CCDC7: variants seen among roughly 807,000 people sequenced by gnomAD.
CCDC7 encodes coiled-coil domain-containing protein 7.
A neutral mutation model predicts 196.9 loss-of-function variants in CCDC7; 183 were observed. The ratio of observed to expected loss-of-function variants is 0.93; its 90% CI spans 0.82 to 1.05. CCDC7 has a LOEUF of 1.05. Among genes scored for constraint, CCDC7 ranks in the 50% least tolerant of loss-of-function variants. CCDC7 has a pLI of 0.00. For synonymous variants in CCDC7, 525 were observed against 484.6 expected (o/e 1.08, Z -1.10); for missense variants, 1,540 against 1,482.2 (o/e 1.04, Z -0.64).
chr10:32,673,272 G>T (rs2074361491), intron 21 of CCDC7, among the ~76,000 whole-genome samples: 1 of 151,658 alleles, frequency 6.6e-6, no homozygotes, highest in African/African-American at 2.4e-5. Context: ...TTGACTATTT[G>T]GGTTTTTTGG....
At chr10:32,706,802 A>G (rs2079847839) in intron 24 of CCDC7, among the ~76,000 whole-genome samples, 1 of 152,244 alleles carries the variant, frequency 6.6e-6, no homozygotes, top group African/African-American at 2.4e-5. Context: ...GTCCAATAAC[A>G]GGCTCTGAAA....
intron 20 of CCDC7, among the ~76,000 whole-genome samples, chr10:32,654,551 A>G (rs1046139425): frequency 6.6e-6 from 1 of 152,196 alleles, no homozygotes; most frequent in African/African-American, 2.4e-5. Context: ...GTTTGTAACT[A>G]CTGAAGTCTG....
At chr10:32,630,077 G>T (rs898486174) in intron 18 of CCDC7, among the ~76,000 whole-genome samples, 3 of 152,134 alleles carry the variant, frequency 2.0e-5, no homozygotes, top group Non-Finnish European at 4.4e-5. Flanking sequence ...GGAGCTGCTG[G>T]AAAAGTATGT....
intron 33 of CCDC7, among the ~76,000 whole-genome samples, chr10:32,843,332 C>T (rs1410927713): frequency 6.6e-6 from 1 of 151,678 alleles, no homozygotes; most frequent in East Asian, 1.9e-4. Context: ...AATAGTAGTG[C>T]AAAAATGTTG....
At chr10:32,731,118 T>A (rs1413362717) in intron 28 of CCDC7, among the ~76,000 whole-genome samples, 1 of 152,140 alleles carries the variant, frequency 6.6e-6, no homozygotes, top group Non-Finnish European at 1.5e-5. Context: ...CTGTCTATGT[T>A]ATTAGATGTA....
intron 28 of CCDC7, among the ~76,000 whole-genome samples, chr10:32,733,375 T>C (rs2084312696): frequency 6.6e-6 from 1 of 152,220 alleles, no homozygotes; most frequent in East Asian, 1.9e-4. Context: ...TAAAAGCATC[T>C]TTTTTGTAGC....
At chr10:32,582,106 C>CTATATATATATATATATATATATATA (rs6143863) in intron 16 of CCDC7, among the ~76,000 whole-genome samples, 2 of 103,750 alleles carry the variant, frequency 1.9e-5, no homozygotes, top group African/African-American at 3.2e-5. Flanking sequence ...ACTGTCAGCA[C>CTATATATATATATATATATATATATA]TATATATATA....
intron 9 of CCDC7, among the ~76,000 whole-genome samples, chr10:32,497,344 T>G (rs1367140154): frequency 6.6e-6 from 1 of 152,200 alleles, no homozygotes; most frequent in East Asian, 1.9e-4. Flanking sequence ...AAAAACCAGC[T>G]CCTGGATTCA....
chr10:32,855,881 A>G (rs1339042176), intron 41 of CCDC7, among the ~76,000 whole-genome samples: 1 of 152,226 alleles, frequency 6.6e-6, no homozygotes, highest in Non-Finnish European at 1.5e-5. Flanking sequence ...AAAGACAAAC[A>G]CATAGTCTGA....
intron 28 of CCDC7, among the ~76,000 whole-genome samples, chr10:32,734,116 C>T (rs1334489784): frequency 6.6e-6 from 1 of 152,172 alleles, no homozygotes; most frequent in Non-Finnish European, 1.5e-5. Context: ...CTACCATAAA[C>T]ATACATGCAT....
chr10:32,835,123 C>A (rs1336863367), intron 33 of CCDC7, among the ~76,000 whole-genome samples: 1 of 152,034 alleles, frequency 6.6e-6, no homozygotes, highest in Non-Finnish European at 1.5e-5. Context: ...CATAAAAATG[C>A]AAGGCTGTTG....
chr10:32,823,135 G>T (rs2090531390), intron 31 of CCDC7, among the ~76,000 whole-genome samples: 1 of 150,946 alleles, frequency 6.6e-6, no homozygotes, highest in African/African-American at 2.4e-5. Flanking sequence ...AACTCGTTTT[G>T]TCCAATATGA....
In CCDC7 at chr10:32,676,357, A is replaced by T. The variant is rs556582842; in HGVS notation, c.2123-9613A>T. Among the ~76,000 whole-genome samples the T allele has an allele frequency of 4.6e-5, 7 of 152,206 alleles. No homozygotes were observed. In the East Asian group the frequency reaches 1.2e-3, roughly 25 times the overall value. On this transcript the variant is annotated intron_variant, in intron 21 of 41. Transcript: ENST00000639629. ...ACCAAAAGCAATGGCAACAAAGCCAAAATTGACAAATGGGATCTAATTAAA... is the reference window on the plus strand; with the variant it reads ...ACCAAAAGCAATGGCAACAAAGCCATAATTGACAAATGGGATCTAATTAAA...
At chr10:32,654,433 G>A (rs1206268714) in intron 20 of CCDC7, among the ~76,000 whole-genome samples, 4 of 152,216 alleles carry the variant, frequency 2.6e-5, no homozygotes, top group African/African-American at 7.2e-5. Context: ...GTGAAATTCT[G>A]AAAATTAGAT....
chr10:32,640,155 A>G (rs1014318257), intron 20 of CCDC7, among the ~76,000 whole-genome samples: 1 of 152,080 alleles, frequency 6.6e-6, no homozygotes, highest in African/African-American at 2.4e-5. Flanking sequence ...AAAGTCTCCC[A>G]TTATTATTTT....
chr10:32,623,397 C>T (rs1161451653), intron 18 of CCDC7, among the ~76,000 whole-genome samples: 2 of 151,914 alleles, frequency 1.3e-5, no homozygotes, highest in African/African-American at 2.4e-5. Context: ...TTTATTAAAA[C>T]ATATTTTCTA....
rs56089046 is a variant in CCDC7 at position 32,619,910 on chromosome 10, C to CTTTTTTTTTTTTTTTT, written c.1802-14329_1802-14314dup. ...CACTGCTCCCAGCCCTTCAATGTAC[C>CTTTTTTTTTTTTTTTT]TTTTTTTTTTTTTTTTTTTTTTTTT... On this transcript the variant is annotated intron_variant, in intron 18 of 41. Transcript: ENST00000639629. Among the ~76,000 whole-genome samples the CTTTTTTTTTTTTTTTT allele has an allele frequency of 2.4e-4, 19 of 79,274 alleles. 1 individual carries two copies. Among genetic ancestry groups the CTTTTTTTTTTTTTTTT allele is most frequent in the African/African-American group, 1.0e-3 (16 of 15,306 alleles). 52.0% of individuals were successfully genotyped at this position (79,274 alleles called of 152,430 possible).
At chr10:32,767,843 G>A (rs2078569263) in intron 28 of CCDC7, among the ~76,000 whole-genome samples, 1 of 152,036 alleles carries the variant, frequency 6.6e-6, no homozygotes, top group Non-Finnish European at 1.5e-5. Context: ...GCTGTTATGA[G>A]GAAGCTGAAT....
At chr10:32,481,333 T>A (rs886154416) in intron 8 of CCDC7, among the ~76,000 whole-genome samples, 5 of 152,184 alleles carry the variant, frequency 3.3e-5, no homozygotes, top group African/African-American at 1.2e-4. Context: ...GACTTACTAT[T>A]GCCATTCTGT....
Sources: allele counts gnomAD v4.1 joint callset (sites outside exome capture counted in the v4.1 genomes callset), GRCh38; gene constraint gnomAD v4.1.1; transcripts MANE v1.5; gene names NCBI Gene and HGNC (gene_info 2026-07-23, HGNC 2026-07-21).